Variants in DLG2 observed in about 807,000 individuals in gnomAD.
DLG2 encodes the protein discs large MAGUK scaffold protein 2.
In DLG2, 45 loss-of-function variants were observed where a neutral mutation model predicts 132.5. That is an observed-to-expected ratio of 0.34 (90% CI 0.27 to 0.44). The LOEUF is 0.44. Among genes scored for constraint, DLG2 ranks in the 20% least tolerant of loss-of-function variants. DLG2 has a pLI of 1.00. For missense variants in DLG2, 1,045 were observed against 1,196.9 expected (o/e 0.87, Z 1.87); for synonymous variants, 424 against 419.6 (o/e 1.01, Z -0.13).
intron 4 of DLG2, among the ~76,000 whole-genome samples, chr11:85,220,374 A>T (rs1210629034): frequency 1.3e-5 from 2 of 152,092 alleles, no homozygotes; most frequent in Non-Finnish European, 2.9e-5. Flanking sequence ...TTTAGGTAGT[A>T]GAAACAAATG....
intron 18 of DLG2, among the ~76,000 whole-genome samples, chr11:83,679,973 T>G (rs118076001): frequency 1.4e-3 from 219 of 152,320 alleles, no homozygotes; most frequent in East Asian, 0.013. Flanking sequence ...ATGTGTCACG[T>G]AGGCAAAATT....
intron 11 of DLG2, among the ~76,000 whole-genome samples, chr11:83,984,192 TGATAGATAGATAGATA>T (rs56166694): frequency 0.027 from 3,853 of 142,138 alleles, 149 homozygotes; most frequent in African/African-American, 0.094. Flanking sequence ...GATAGATAGA[TGATAGATAGATAGATA>T]GATAGATAGA....
At chr11:83,557,669 C>T (rs541949559) in intron 19 of DLG2, among the ~76,000 whole-genome samples, 2 of 152,240 alleles carry the variant, frequency 1.3e-5, no homozygotes, top group Admixed American at 6.5e-5. Context: ...TAGGCATAAC[C>T]GCAATTGGCA....
chr11:84,829,415 G>A (rs1054684842), intron 6 of DLG2, among the ~76,000 whole-genome samples: 1 of 151,684 alleles, frequency 6.6e-6, no homozygotes, highest in African/African-American at 2.4e-5. Context: ...ATATTACATA[G>A]GTGAGATGTA....
intron 6 of DLG2, among the ~76,000 whole-genome samples, chr11:84,986,271 C>T (rs1054096897): frequency 6.6e-6 from 1 of 151,908 alleles, no homozygotes; most frequent in African/African-American, 2.4e-5. Context: ...ATACCCTGAA[C>T]AGAAAAACAA....
intron 6 of DLG2, among the ~76,000 whole-genome samples, chr11:84,595,415 G>T (rs1180966901): frequency 2.0e-5 from 3 of 151,484 alleles, no homozygotes; most frequent in African/African-American, 4.9e-5. Context: ...ACCTGGCCTG[G>T]CAATAGTACC....
At chr11:84,668,870 A>G (rs1015953877) in intron 6 of DLG2, among the ~76,000 whole-genome samples, 2 of 152,210 alleles carry the variant, frequency 1.3e-5, no homozygotes, top group Non-Finnish European at 2.9e-5. Context: ...TGCAAAAACA[A>G]ACCATTATCA....
chr11:85,314,713 T>C (rs1413110866), intron 3 of DLG2, among the ~76,000 whole-genome samples: 3 of 152,012 alleles, frequency 2.0e-5, no homozygotes, highest in East Asian at 1.9e-4. Flanking sequence ...CATAATTGCA[T>C]TGGCTTTATG....
At chr11:84,531,683 A>G (rs1298289582) in intron 7 of DLG2, among the ~76,000 whole-genome samples, 1 of 152,156 alleles carries the variant, frequency 6.6e-6, no homozygotes, top group Non-Finnish European at 1.5e-5. Flanking sequence ...GGTTCCAAAA[A>G]GGAGAAAAAT....
intron 6 of DLG2, among the ~76,000 whole-genome samples, chr11:84,765,878 C>A (rs2068338316): frequency 6.6e-6 from 1 of 151,790 alleles, no homozygotes; most frequent in Admixed American, 6.6e-5. Flanking sequence ...CAATTTAATT[C>A]TATTATATCA....
intron 6 of DLG2, among the ~76,000 whole-genome samples, chr11:85,111,244 G>C (rs1168012258): frequency 2.0e-5 from 3 of 152,120 alleles, no homozygotes; most frequent in African/African-American, 7.2e-5. Flanking sequence ...ATTACACCAG[G>C]AAGACTTGAA....
intron 7 of DLG2, among the ~76,000 whole-genome samples, chr11:84,492,122 G>C (rs2099166797): frequency 6.6e-6 from 1 of 152,078 alleles, no homozygotes; most frequent in Non-Finnish European, 1.5e-5. Context: ...ATAAATTTAA[G>C]ACTTTTCAGG....
chr11:85,458,919 T>C (rs1373270369), intron 3 of DLG2, among the ~76,000 whole-genome samples: 1 of 152,202 alleles, frequency 6.6e-6, no homozygotes, highest in Admixed American at 6.5e-5. Context: ...GCAGTGGTTA[T>C]GGCAGAGAGC....
At chr11:85,183,494 A>T (rs902430268) in intron 4 of DLG2, among the ~76,000 whole-genome samples, 2 of 151,930 alleles carry the variant, frequency 1.3e-5, no homozygotes, top group Non-Finnish European at 2.9e-5. Flanking sequence ...CAAGGTCCCA[A>T]AACAGCCAAA....
At chr11:85,269,726 A>C (rs2077410467) in intron 4 of DLG2, among the ~76,000 whole-genome samples, 1 of 152,210 alleles carries the variant, frequency 6.6e-6, no homozygotes, top group Non-Finnish European at 1.5e-5. Flanking sequence ...CAAAGAGAGA[A>C]GAAAAAGAAT....
At chr11:85,261,142 C>T (rs1452139958) in intron 4 of DLG2, among the ~76,000 whole-genome samples, 3 of 152,062 alleles carry the variant, frequency 2.0e-5, no homozygotes, top group Non-Finnish European at 2.9e-5. Flanking sequence ...ACAGACAGCA[C>T]AGCAGAGAAG....
chr11:84,784,795 TG>T lies in DLG2; in HGVS notation c.358-250065del, dbSNP rs371369057. On this transcript the variant is annotated intron_variant, in intron 6 of 27. Transcript: ENST00000376104. Reference sequence around the variant, plus strand: ...GAGTAGACTGGTGGTTACTAGAGACTGGGGTGATGTGGTGGCCGTTGGGGAG... The same window carrying T: ...GAGTAGACTGGTGGTTACTAGAGACTGGGTGATGTGGTGGCCGTTGGGGAG... Among the ~76,000 whole-genome samples, 79 of 152,218 alleles carry T rather than the reference TG, an allele frequency of 5.2e-4. No individual in the cohort carries two copies. In the East Asian group the frequency reaches 0.013, roughly 25 times the overall value.
intron 7 of DLG2, among the ~76,000 whole-genome samples, chr11:84,316,328 T>G (rs1239812758): frequency 6.6e-6 from 1 of 152,206 alleles, no homozygotes; most frequent in African/African-American, 2.4e-5. Flanking sequence ...TAAATAATTG[T>G]TCTTCTCCAT....
intron 18 of DLG2, among the ~76,000 whole-genome samples, chr11:83,777,132 G>A (rs1424122433): frequency 6.6e-6 from 1 of 152,144 alleles, no homozygotes; most frequent in Non-Finnish European, 1.5e-5. Flanking sequence ...AATAAAGATT[G>A]AATGAATGAA....
Sources: allele counts gnomAD v4.1 joint callset (sites outside exome capture counted in the v4.1 genomes callset), GRCh38; gene constraint gnomAD v4.1.1; transcripts MANE v1.5; gene names NCBI Gene and HGNC (gene_info 2026-07-23, HGNC 2026-07-21).